ZNF385D: variants seen among roughly 807,000 people sequenced by gnomAD.
ZNF385D encodes zinc finger protein 385D, also known as zinc finger protein 659.
A neutral mutation model predicts 35.8 loss-of-function variants in ZNF385D; 15 were observed. The ratio of observed to expected loss-of-function variants is 0.42; its 90% CI spans 0.28 to 0.64. The LOEUF (loss-of-function observed/expected upper bound fraction) is 0.64, where lower values mean the gene tolerates loss of function less well. Ranked by LOEUF, ZNF385D falls within the 30% of genes least tolerant of loss-of-function variation. The pLI is 0.23. For synonymous variants in ZNF385D, 212 were observed against 186.8 expected (o/e 1.13, Z -1.10); for missense variants, 474 against 494.6 (o/e 0.96, Z 0.39).
intron 3 of ZNF385D, among the ~76,000 whole-genome samples, chr3:22,077,363 T>C (rs901240945): frequency 6.6e-5 from 10 of 151,942 alleles, no homozygotes; most frequent in African/African-American, 9.7e-5. Flanking sequence ...GGTAGAATAA[T>C]TGAAAAATAA....
intron 1 of ZNF385D, among the ~76,000 whole-genome samples, chr3:21,749,804 G>A (rs1379377898): frequency 6.6e-6 from 1 of 152,124 alleles, no homozygotes; most frequent in Non-Finnish European, 1.5e-5. Flanking sequence ...AAGCCTAAAG[G>A]AAACAAAACA....
At chr3:21,909,121 A>G (rs879055245) in intron 3 of ZNF385D, among the ~76,000 whole-genome samples, 2 of 152,078 alleles carry the variant, frequency 1.3e-5, no homozygotes, top group Non-Finnish European at 2.9e-5. Context: ...ACAGATGTTC[A>G]ATTTCTTTAA....
chr3:21,517,431 C>T (rs892658643), intron 3 of ZNF385D, among the ~76,000 whole-genome samples: 2 of 152,154 alleles, frequency 1.3e-5, no homozygotes, highest in African/African-American at 2.4e-5. Flanking sequence ...GCTGCAACAC[C>T]CCAAACCCAT....
chr3:22,331,854 C>T (rs1361585677), intron 2 of ZNF385D, among the ~76,000 whole-genome samples: 1 of 152,144 alleles, frequency 6.6e-6, no homozygotes, highest in African/African-American at 2.4e-5. Flanking sequence ...AAACTGACAT[C>T]ATTTGAGTTT....
intron 3 of ZNF385D, among the ~76,000 whole-genome samples, chr3:21,910,691 A>G (rs1351769895): frequency 3.3e-5 from 5 of 151,860 alleles, no homozygotes; most frequent in African/African-American, 1.2e-4. Context: ...ATGAACGTAG[A>G]AAAGTAAAAA....
At chr3:21,772,906 C>G (rs2071134811) in intron 3 of ZNF385D, among the ~76,000 whole-genome samples, 1 of 151,790 alleles carries the variant, frequency 6.6e-6, no homozygotes, top group Non-Finnish European at 1.5e-5. Flanking sequence ...TGATGTGCTG[C>G]AACATAGAAG....
chr3:21,693,143 C>T (rs115714026), intron 1 of ZNF385D, among the ~76,000 whole-genome samples: 2,278 of 152,198 alleles, frequency 0.015, 56 homozygotes, highest in African/African-American at 0.051. Flanking sequence ...TTTTCTGATA[C>T]CTCAATGAGG....
At chr3:21,471,930 A>G (rs1703922297) in intron 4 of ZNF385D, among the ~76,000 whole-genome samples, 2 of 152,146 alleles carry the variant, frequency 1.3e-5, no homozygotes, top group African/African-American at 4.8e-5. Context: ...AGTTCAGAAA[A>G]CAAAATGCTA....
chr3:22,035,035 C>T (rs1016145556), intron 3 of ZNF385D, among the ~76,000 whole-genome samples: 3 of 152,112 alleles, frequency 2.0e-5, no homozygotes, highest in East Asian at 1.9e-4. Flanking sequence ...ATAAAGTCAA[C>T]ATTGTCGATT....
chr3:21,445,357 C>T (rs1219630684), intron 4 of ZNF385D, among the ~76,000 whole-genome samples: 1 of 152,154 alleles, frequency 6.6e-6, no homozygotes, highest in African/African-American at 2.4e-5. Context: ...GATCAGGTGG[C>T]TTGACTTAAG....
At chr3:22,278,996 C>T (rs754144180) in intron 2 of ZNF385D, among the ~76,000 whole-genome samples, 13 of 152,070 alleles carry the variant, frequency 8.5e-5, no homozygotes, top group Non-Finnish European at 1.8e-4. Context: ...AAATTTGGAC[C>T]TAGCCCTTCT....
At chr3:21,566,152 T>TAATC (rs2063139263) in intron 2 of ZNF385D, among the ~76,000 whole-genome samples, 3 of 152,210 alleles carry the variant, frequency 2.0e-5, no homozygotes, top group Non-Finnish European at 2.9e-5. Flanking sequence ...TTCCATAGGC[T>TAATC]AATCACTGGA....
intron 3 of ZNF385D, among the ~76,000 whole-genome samples, chr3:21,761,526 T>C (rs1479429720): frequency 1.3e-5 from 2 of 152,138 alleles, no homozygotes; most frequent in Non-Finnish European, 2.9e-5. Context: ...TCCTTACCCA[T>C]GAAGTGATAA....
At chr3:21,761,228 C>A (rs79133900) in intron 3 of ZNF385D, among the ~76,000 whole-genome samples, 3,667 of 152,270 alleles carry the variant, frequency 0.024, 154 homozygotes, top group African/African-American at 0.082. Flanking sequence ...TATTTTAGTG[C>A]AAATTCATGA....
intron 2 of ZNF385D, among the ~76,000 whole-genome samples, chr3:22,187,623 C>A (rs1291565810): frequency 1.3e-5 from 2 of 152,056 alleles, no homozygotes; most frequent in Non-Finnish European, 2.9e-5. Flanking sequence ...AATACTTACA[C>A]ATTTTACTCA....
intron 2 of ZNF385D, among the ~76,000 whole-genome samples, chr3:22,173,222 A>G (rs144936733): frequency 5.8e-4 from 89 of 152,346 alleles, no homozygotes; most frequent in Non-Finnish European, 1.1e-3. Context: ...AAGAAATACT[A>G]AAACTAAATG....
At chr3:21,453,465 G>A (rs992250276) in intron 4 of ZNF385D, among the ~76,000 whole-genome samples, 4 of 151,898 alleles carry the variant, frequency 2.6e-5, no homozygotes, top group African/African-American at 9.7e-5. Context: ...TGTAAATTAT[G>A]TATCTGATAT....
chr3:22,123,297 A>T (rs957770398), intron 3 of ZNF385D, among the ~76,000 whole-genome samples: 9 of 152,138 alleles, frequency 5.9e-5, no homozygotes, highest in African/African-American at 2.2e-4. Flanking sequence ...TACACAAGTT[A>T]TATTTGAGAT....
intron 3 of ZNF385D, chr3:21,978,434 G>A (rs1225106192): frequency 1.3e-5 from 2 of 152,196 alleles, no homozygotes; most frequent in South Asian, 2.1e-4. Flanking sequence ...TTGCTTTAAA[G>A]GGGGAGAAAC....
Sources: gnomAD v4.1 joint callset for allele counts (sites outside exome capture counted in the v4.1 genomes callset) on GRCh38, gnomAD v4.1.1 for gene constraint, MANE v1.5 for transcripts, NCBI Gene and HGNC (gene_info 2026-07-23, HGNC 2026-07-21) for gene names.